ARHGAP25: variants seen among roughly 807,000 people sequenced by gnomAD.
ARHGAP25 encodes Rho GTPase activating protein 25.
In ARHGAP25, 34 loss-of-function variants were observed where a neutral mutation model predicts 71.0. That is an observed-to-expected ratio of 0.48 (90% CI 0.36 to 0.64). The LOEUF (loss-of-function observed/expected upper bound fraction) is 0.64. Among genes scored for constraint, ARHGAP25 ranks in the 30% least tolerant of loss-of-function variants. The pLI, the probability that ARHGAP25 is intolerant of heterozygous loss-of-function variation, is 0.00. For synonymous variants in ARHGAP25, 282 were observed against 296.5 expected (o/e 0.95, Z 0.50); for missense variants, 706 against 805.1 (o/e 0.88, Z 1.49).
chr2:68,792,728 A>C (rs1679272843), intron 4 of ARHGAP25, among the ~76,000 whole-genome samples: 1 of 152,224 alleles, frequency 6.6e-6, no homozygotes, highest in Non-Finnish European at 1.5e-5. Flanking sequence ...TAATCATGTG[A>C]GAAACATTCA....
intron 2 of ARHGAP25, chr2:68,775,808 A>T: frequency 2.3e-6 from 1 of 426,148 alleles, no homozygotes; most frequent in East Asian, 6.8e-5. Context: ...TATGCCACAC[A>T]CTGTTCTAGG....
At chr2:68,742,642 T>A (rs996886002) in intron 1 of ARHGAP25, among the ~76,000 whole-genome samples, 2 of 152,266 alleles carry the variant, frequency 1.3e-5, no homozygotes, top group Non-Finnish European at 2.9e-5. Flanking sequence ...ACATTAGCTA[T>A]AATGGAGATC....
chr2:68,765,278 C>T lies in ARHGAP25; in HGVS notation c.62-9943C>T, dbSNP rs375745785. The stretch of plus-strand genomic sequence containing the variant: ...GTATAACATCTGTGTAGTGTCATTC[C>T]GCTGTGCTCTGAGGAGTAACAGGTC... On this transcript the variant is annotated intron_variant, in intron 1 of 10. Transcript: ENST00000409202. Among the ~76,000 whole-genome samples, 6 of 151,726 alleles carry T rather than the reference C, an allele frequency of 4.0e-5. No individual in the cohort carries two copies. The East Asian group carries it at 1.2e-3, about 29-fold the overall frequency.
intron 1 of ARHGAP25, among the ~76,000 whole-genome samples, chr2:68,751,050 G>A (rs1676139677): frequency 6.6e-6 from 1 of 152,186 alleles, no homozygotes. Flanking sequence ...GAGTATCCTA[G>A]AAGGACTTGT....
At chr2:68,799,507 G>A (rs934052321) in intron 4 of ARHGAP25, among the ~76,000 whole-genome samples, 2 of 152,176 alleles carry the variant, frequency 1.3e-5, no homozygotes, top group South Asian at 2.1e-4. Context: ...CTTCATAAAC[G>A]CTAAGTGAAA....
chr2:68,808,578 G>A (rs1046406725), intron 5 of ARHGAP25, among the ~76,000 whole-genome samples: 1 of 152,168 alleles, frequency 6.6e-6, no homozygotes, highest in African/African-American at 2.4e-5. Context: ...AGCACCCTAG[G>A]AAGCAAGAGA....
intron 1 of ARHGAP25, among the ~76,000 whole-genome samples, chr2:68,739,783 C>T (rs1412542495): frequency 6.6e-6 from 1 of 152,010 alleles, no homozygotes; most frequent in African/African-American, 2.4e-5. Flanking sequence ...TTGTAGAGTC[C>T]CCAGACAGGA....
upstream of ARHGAP25, among the ~76,000 whole-genome samples, chr2:68,733,976 C>G (rs150666956): frequency 5.3e-3 from 803 of 152,342 alleles, 1 homozygote; most frequent in Middle Eastern, 0.01. Context: ...AGTCCCACAG[C>G]AGGAAAGCCA....
chr2:68,725,905 G>T (rs1465470112), intron 2 of ARHGAP25, among the ~76,000 whole-genome samples: 2 of 152,022 alleles, frequency 1.3e-5, no homozygotes, highest in African/African-American at 4.8e-5. Flanking sequence ...GGTTTACCTG[G>T]CTCATTCTCA....
At chr2:68,716,248 G>C (rs1196783519) in intron 2 of ARHGAP25, among the ~76,000 whole-genome samples, 1 of 152,230 alleles carries the variant, frequency 6.6e-6, no homozygotes, top group Admixed American at 6.5e-5. Flanking sequence ...GGAAGGCCCA[G>C]ATTGTTTCAT....
chr2:68,735,553 A>G (rs1558604106), intron 1 of ARHGAP25: 2 of 498,588 alleles, frequency 4.0e-6, no homozygotes, highest in Non-Finnish European at 7.1e-6. Context: ...AGTTTTTAGC[A>G]TATTCCATTT....
intron 2 of ARHGAP25, among the ~76,000 whole-genome samples, chr2:68,715,779 G>T (rs1332199369): frequency 2.0e-5 from 3 of 152,168 alleles, no homozygotes; most frequent in Non-Finnish European, 2.9e-5. Flanking sequence ...GTTGAGTTTG[G>T]TTTAGCAGTG....
intron 2 of ARHGAP25, among the ~76,000 whole-genome samples, chr2:68,728,483 G>A (rs1226894269): frequency 6.6e-6 from 1 of 152,010 alleles, no homozygotes; most frequent in Non-Finnish European, 1.5e-5. Flanking sequence ...CCACTGCTAT[G>A]CCCATACCCA....
At chr2:68,805,183 A>T (rs1259802569) in intron 4 of ARHGAP25, among the ~76,000 whole-genome samples, 1 of 152,140 alleles carries the variant, frequency 6.6e-6, no homozygotes. Context: ...GTTCAAGGAC[A>T]TGGAGACTGC....
At chr2:68,723,767 T>G (rs1288151277) in intron 2 of ARHGAP25, among the ~76,000 whole-genome samples, 2 of 152,170 alleles carry the variant, frequency 1.3e-5, no homozygotes, top group Non-Finnish European at 2.9e-5. Flanking sequence ...ACCAGGCCCT[T>G]CAGGGTGGTT....
intron 2 of ARHGAP25, among the ~76,000 whole-genome samples, chr2:68,722,467 A>G (rs1420528368): frequency 6.6e-6 from 1 of 151,798 alleles, no homozygotes; most frequent in East Asian, 1.9e-4. Flanking sequence ...AATCCCAGCT[A>G]TTCGGGAGGC....
At chr2:68,745,690 G>A (rs193109965) in intron 1 of ARHGAP25, among the ~76,000 whole-genome samples, 2 of 152,268 alleles carry the variant, frequency 1.3e-5, no homozygotes, top group East Asian at 1.9e-4. Flanking sequence ...AACTTACTAC[G>A]TCTACTGTCT....
chr2:68,768,923 C>T (rs778448807), intron 1 of ARHGAP25, among the ~76,000 whole-genome samples: 3 of 152,182 alleles, frequency 2.0e-5, no homozygotes, highest in Admixed American at 1.3e-4. Context: ...TGGCTGATCT[C>T]ATATCCTCAG....
intron 1 of ARHGAP25, 182 bp from the exon 2 acceptor site, chr2:68,775,039 C>T: frequency 1.3e-6 from 2 of 1,513,936 alleles, no homozygotes; most frequent in Middle Eastern, 2.4e-4. Flanking sequence ...GGAGCTGGCC[C>T]CTCGGCTGCT....
Sources: allele counts gnomAD v4.1 joint callset (sites outside exome capture counted in the v4.1 genomes callset), GRCh38; gene constraint gnomAD v4.1.1; transcripts MANE v1.5; gene names NCBI Gene and HGNC (gene_info 2026-07-23, HGNC 2026-07-21).